The following PALB2 variants were observed in gnomAD, a reference collection of about 807,000 sequenced individuals.
The protein encoded by PALB2 is partner and localizer of BRCA2.
A neutral mutation model predicts 107.4 loss-of-function variants in PALB2; 82 were observed. The observed-to-expected ratio is 0.76, with a 90% CI of 0.64 to 0.92. The LOEUF is 0.92. Ranked by LOEUF, PALB2 falls within the 40% of genes least tolerant of loss-of-function variation. The probability of loss-of-function intolerance (pLI) is 0.00; values close to 1 mark genes in which losing one functional copy is unlikely to be tolerated. For synonymous variants in PALB2, 489 were observed against 496.8 expected, an observed-to-expected ratio of 0.98 and a Z score of 0.21; for missense variants, 1,374 against 1,379.9, an observed-to-expected ratio of 1.00 and a Z score of 0.07.
At chr16:23,636,425 C>A (rs1335995055) in intron 3 of PALB2, 91 bp from the exon 4 acceptor site, 3 of 823,366 alleles carry the variant, frequency 3.6e-6, no homozygotes, top group African/African-American at 1.8e-5. Context: ...ATAAATACTA[C>A]TAAACATTTA....
rs750715056 is a variant in PALB2, at chr16:23,608,038, C to T, written c.3202-26G>A. 1.2e-5 allele frequency: 19 copies of T among 1,606,514 alleles called. No homozygotes were observed. In the African/African-American group the frequency reaches 2.3e-4, roughly 19 times the overall value. On this transcript the variant is annotated intron_variant, in intron 11 of 12. Transcript: ENST00000261584. ...CTAATTTCGGAGAAAAATAAATATC[C>T]CAAATAGACTGTCAAGAGTATGTCA...
intron 10 of PALB2, among the ~76,000 whole-genome samples, chr16:23,616,835 G>A (rs1966691904): frequency 6.8e-6 from 1 of 148,104 alleles, no homozygotes; most frequent in African/African-American, 2.5e-5. Context: ...TTTTTTTTGA[G>A]ACGGAGTCTC....
intron 10 of PALB2, among the ~76,000 whole-genome samples, chr16:23,621,038 A>C (rs1597079272): frequency 6.6e-6 from 1 of 152,294 alleles, no homozygotes; most frequent in African/African-American, 2.4e-5. Context: ...ATGAAACCCT[A>C]TCTCTACTAA....
chr16:23,603,999 G>A (rs1966414858), intron 12 of PALB2, among the ~76,000 whole-genome samples: 1 of 152,148 alleles, frequency 6.6e-6, no homozygotes, highest in South Asian at 2.1e-4. Context: ...CTCCCTGACA[G>A]GCTCTCACCC....
rs754470879 is a variant in PALB2, at chr16:23,623,200, CTT to C, written c.2835-72_2835-71del. 0.14 allele frequency: 108,263 copies of C among 750,170 alleles called. 905 individuals are homozygous for C. The highest frequency in any genetic ancestry group is 0.18 in the East Asian group (4,969 of 27,792). 46.5% of individuals were successfully genotyped at this position (750,170 alleles called of 1,614,324 possible). A position where few individuals can be genotyped will look rare whatever the true frequency, so the allele number is the denominator to read the frequency against. ...TTTTAATATTAAAGGACTAGGTTCA[CTT>C]TTTTTTTTTTTTTTTTTTTGAGACA... On this transcript the variant is annotated intron_variant, in intron 8 of 12. Coordinates refer to ENST00000261584, the MANE Select transcript of PALB2 (RefSeq NM_024675.4).
intron 6 of PALB2, among the ~76,000 whole-genome samples, chr16:23,627,493 C>CA (rs749429582): frequency 0.084 from 4,516 of 54,010 alleles, 140 homozygotes; most frequent in Middle Eastern, 0.25. Flanking sequence ...GACTCCGTCT[C>CA]AAAAAAAAAA....
rs144617793 is a variant in PALB2 at position 23,630,457 on chromosome 16, C to T, written c.1697G>A (p.Arg566His). The T allele has an allele frequency of 1.4e-5, 22 of 1,611,734 alleles. No individual in the cohort carries two copies. Among genetic ancestry groups the T allele is most frequent in the East Asian group, 6.7e-5 (3 of 44,854 alleles). ...LFIQVKGKKS[R>H]HQKEDSLSWS... ...AGAAAGGGAATCCTCTTTTTGATGA[C>T]GACTTTTCTTCCCTAAAGAAGAAAA... The change falls in exon 5 of 13, where the codon CGT (arginine) becomes CAT (histidine). Residue 566 changes from arginine to histidine, a missense_variant. Coordinates refer to ENST00000261584, the MANE Select transcript of PALB2 (RefSeq NM_024675.4).
intron 7 of PALB2, 101 bp from the exon 8 acceptor site, chr16:23,624,195 C>T (rs1053794834): frequency 1.3e-6 from 1 of 779,802 alleles, no homozygotes; most frequent in Non-Finnish European, 2.2e-6. Context: ...TCTCACTGTA[C>T]AAGGATAATT....
In PALB2 at chr16:23,636,174, G is replaced by A. The variant is rs786201904; in HGVS notation, c.372C>T (p.Thr124=). Residue 124 remains threonine, a synonymous_variant, in exon 4 of 13, where the codon ACC becomes ACT. Transcript: ENST00000261584. ...TGACCCTGTGGGGAAAATGTTCTTG[G>A]GTGTCATCTGTTCTTTGTATAGGTA... The part of the protein sequence containing the change: ...GGLPIQRTDD[T]QEHFPHRVSD... 3.7e-6 allele frequency: 6 copies of A among 1,612,202 alleles called. No homozygotes were observed. Among genetic ancestry groups the A allele is most frequent in the Non-Finnish European group, 5.1e-6 (6 of 1,179,528 alleles).
chr16:23,604,165 C>T (rs1328777442), intron 12 of PALB2, among the ~76,000 whole-genome samples: 2 of 152,212 alleles, frequency 1.3e-5, no homozygotes, highest in Non-Finnish European at 2.9e-5. Context: ...GCACTTTTCA[C>T]TATTTGAGAT....
At chr16:23,608,662 AC>A (rs1290159629) in intron 11 of PALB2, among the ~76,000 whole-genome samples, 1 of 151,956 alleles carries the variant, frequency 6.6e-6, no homozygotes, top group Non-Finnish European at 1.5e-5. Flanking sequence ...CCCTGACCCT[AC>A]TACTCTCTAT....
chr16:23,629,897 G>A lies in PALB2; in HGVS notation c.2257C>T (p.Arg753Ter), dbSNP rs180177110. The A allele has an allele frequency of 9.9e-6, 16 of 1,614,054 alleles. No individual in the cohort carries two copies. The highest frequency in any genetic ancestry group is 1.7e-5 in the Admixed American group (1 of 59,986). ...YEKASTEVAG[R>*]TCCTPQLAHL... ...GCAAGTTGGGGTGTGCAGCAAGTTC[G>A]TCCAGCAACTTCTGTAGATGCTTTT... Residue 753 changes from arginine to a stop codon, truncating the protein, a stop_gained, in exon 5 of 13, where the codon CGA (arginine) becomes TGA (stop). Coordinates refer to ENST00000261584, the MANE Select transcript of PALB2 (RefSeq NM_024675.4). LOFTEE classifies it high-confidence loss of function.
chr16:23,641,193 C>T lies in PALB2; in HGVS notation c.-36G>A, dbSNP rs775325716. On this transcript the variant is annotated 5_prime_UTR_variant, in exon 1 of 13. Coordinates refer to ENST00000261584, the MANE Select transcript of PALB2 (RefSeq NM_024675.4). ...ACAGAACGAAAAGAGCAGCCGTCGC[C>T]GACCCCAGGCCTGCCGACACCGGGA... is the stretch of plus-strand genomic sequence containing the variant. 1 of 1,605,604 alleles carries T rather than the reference C, an allele frequency of 6.2e-7. No homozygotes were observed. The highest frequency in any genetic ancestry group is 1.1e-5 in the South Asian group (1 of 89,850).
intron 1 of PALB2, among the ~76,000 whole-genome samples, chr16:23,638,846 A>G (rs2083155756): frequency 6.6e-6 from 1 of 152,100 alleles, no homozygotes; most frequent in African/African-American, 2.4e-5. Context: ...ATGAGGAAGG[A>G]GCTAGTTTTG....
At chr16:23,629,526 C>G in intron 5 of PALB2, 114 bp downstream of exon 5, 1 of 1,070,326 alleles carries the variant, frequency 9.3e-7, no homozygotes, top group African/African-American at 1.5e-5. Context: ...CAAAGAAACA[C>G]GTCAAACCAT....
intron 6 of PALB2, 61 bp from the exon 7 acceptor site, chr16:23,626,458 A>AAAAC: frequency 6.4e-7 from 1 of 1,561,470 alleles, no homozygotes; most frequent in Non-Finnish European, 8.8e-7. Flanking sequence ...TGCAAAGCAT[A>AAAAC]AGTATGCAAA....
At chr16:23,620,991 T>C (rs1966761670) in intron 10 of PALB2, among the ~76,000 whole-genome samples, 2 of 152,164 alleles carry the variant, frequency 1.3e-5, no homozygotes, top group Admixed American at 1.3e-4. Context: ...GGTGGATCAC[T>C]TGAGGCCAGG....
chr16:23,636,955 A>T (rs752378542), intron 3 of PALB2, among the ~76,000 whole-genome samples: 6 of 152,080 alleles, frequency 3.9e-5, no homozygotes, highest in East Asian at 1.9e-4. Context: ...TTACATTTTT[A>T]AAAAAAACCT....
At chr16:23,630,716 T>C (rs886940291) in intron 4 of PALB2, among the ~76,000 whole-genome samples, 1 of 152,188 alleles carries the variant, frequency 6.6e-6, no homozygotes, top group East Asian at 1.9e-4. Flanking sequence ...AAATGTTCAT[T>C]ACTTTTCCCA....
Sources: allele counts gnomAD v4.1 joint callset (sites outside exome capture counted in the v4.1 genomes callset), GRCh38; gene constraint gnomAD v4.1.1; transcripts MANE v1.5; gene names NCBI Gene and HGNC (gene_info 2026-07-23, HGNC 2026-07-21).